The following SCML2 variants were observed in gnomAD, a reference collection of about 807,000 sequenced individuals.
The protein encoded by SCML2 is Scm polycomb group protein like 2, also known as sex comb on midleg-like protein 2.
A neutral mutation model predicts 48.4 loss-of-function variants in SCML2; 6 were observed. The ratio of observed to expected loss-of-function variants is 0.12; its 90% CI spans 0.07 to 0.24. The LOEUF (loss-of-function observed/expected upper bound fraction) is 0.24. Among genes scored for constraint, SCML2 ranks in the 10% least tolerant of loss-of-function variants. The probability of loss-of-function intolerance (pLI) is 1.00; values close to 1 mark genes in which losing one functional copy is unlikely to be tolerated. For synonymous variants in SCML2, 181 were observed against 189.5 expected (o/e 0.95, Z 0.37); for missense variants, 377 against 528.2 (o/e 0.71, Z 2.81).
chrX:18,304,316 C>G (rs1384324348), intron 7 of SCML2, among the ~76,000 whole-genome samples: 2 of 112,208 alleles, frequency 1.8e-5, no homozygotes, highest in Admixed American at 9.5e-5. Flanking sequence ...TTAGGCATAT[C>G]TAAGCCCTTG....
rs1471288078 is a variant in SCML2, at chrX:18,240,315, T to C, written c.*936A>G. On this transcript the variant is annotated 3_prime_UTR_variant, in exon 15 of 15. Coordinates refer to ENST00000251900, the MANE Select transcript of SCML2 (RefSeq NM_006089.3). ...ATTTACTTGTGTGTAAACCTACAGG[T>C]ATAAAACAATATATAAATATGGTAA... The C allele has an allele frequency of 2.7e-5, 3 of 112,395 alleles. No homozygotes were observed. Among genetic ancestry groups the C allele is most frequent in the Non-Finnish European group, 5.6e-5 (3 of 53,287 alleles). 9.3% of individuals were successfully genotyped at this position (112,395 alleles called of 1,213,427 possible).
chrX:18,291,207 C>A (rs1320778151), intron 7 of SCML2, among the ~76,000 whole-genome samples: 1 of 111,493 alleles, frequency 9.0e-6, no homozygotes, highest in Non-Finnish European at 1.9e-5. Flanking sequence ...ACACTCTGTA[C>A]GGGTCTCGTG....
At chrX:18,285,348 T>C (rs887144127) in intron 7 of SCML2, among the ~76,000 whole-genome samples, 10 of 108,652 alleles carry the variant, frequency 9.2e-5, no homozygotes, top group African/African-American at 3.0e-4. Context: ...GTGGTACATA[T>C]ACACCATGGA....
intron 1 of SCML2, among the ~76,000 whole-genome samples, chrX:18,339,714 C>G (rs1214840404): frequency 9.0e-6 from 1 of 111,522 alleles, no homozygotes; most frequent in African/African-American, 3.3e-5. Context: ...GAGACCCCAG[C>G]TCTAAAAATA....
intron 1 of SCML2, among the ~76,000 whole-genome samples, chrX:18,342,231 T>G (rs1245866084): frequency 8.9e-6 from 1 of 111,827 alleles, no homozygotes; most frequent in Non-Finnish European, 1.9e-5. Flanking sequence ...TTAAAAAAAG[T>G]TAAAAGCTTC....
In SCML2 at chrX:18,240,735, A is replaced by C. The variant is rs1414723470; in HGVS notation, c.*516T>G. On this transcript the variant is annotated 3_prime_UTR_variant, in exon 15 of 15. Coordinates refer to ENST00000251900, the MANE Select transcript of SCML2 (RefSeq NM_006089.3). The stretch of plus-strand genomic sequence containing the variant: ...GATATACTGATAGAACATGAACAGA[A>C]CACCACAGAGTATCACACAAAATAT... 4.4e-5 allele frequency: 5 copies of C among 112,653 alleles called. No homozygotes were observed. Among genetic ancestry groups the C allele is most frequent in the Admixed American group, 1.9e-4 (2 of 10,582 alleles). The allele number at this position is 112,653 out of a possible 1,213,427, so 9.3% of individuals were successfully genotyped here. A position where few individuals can be genotyped will look rare whatever the true frequency, so the allele number is the denominator to read the frequency against.
chrX:18,303,967 C>T (rs1229250183), intron 7 of SCML2, among the ~76,000 whole-genome samples: 1 of 112,472 alleles, frequency 8.9e-6, no homozygotes, highest in Admixed American at 9.4e-5. Flanking sequence ...CTTTTTTTCT[C>T]ATAAAAATAA....
intron 11 of SCML2, among the ~76,000 whole-genome samples, chrX:18,254,588 G>A (rs184960754): frequency 8.9e-6 from 1 of 112,219 alleles, no homozygotes; most frequent in East Asian, 2.8e-4. Flanking sequence ...CAAAGAATGA[G>A]GCTTTGTAAA....
At position 18,304,960 on chromosome X, in the gene SCML2, T is replaced by C. The variant is rs771178830; in HGVS notation, c.730+12A>G. 8.4e-7 allele frequency: 1 copy of C among 1,197,516 alleles called. No homozygotes were observed. The highest frequency in any genetic ancestry group is 1.8e-5 in the African/African-American group (1 of 57,034). On this transcript the variant is annotated intron_variant, in intron 7 of 14. Transcript: ENST00000251900. The stretch of plus-strand genomic sequence containing the variant: ...ATAAAGTAGAAGAAAAAGTAGTTAA[T>C]TATTATCTTACCACTAGTTCCTGGG...
intron 6 of SCML2, among the ~76,000 whole-genome samples, chrX:18,320,101 A>G (rs1929267616): frequency 8.9e-6 from 1 of 112,544 alleles, no homozygotes; most frequent in African/African-American, 3.2e-5. Context: ...CACATATCTG[A>G]GGGCACTTTG....
intron 11 of SCML2, among the ~76,000 whole-genome samples, chrX:18,253,265 G>A (rs937448237): frequency 2.7e-5 from 3 of 111,540 alleles, no homozygotes; most frequent in Non-Finnish European, 5.6e-5. Flanking sequence ...CTCAATCACT[G>A]AATGGAATGA....
intron 11 of SCML2, among the ~76,000 whole-genome samples, chrX:18,250,388 T>C (rs1292868967): frequency 9.2e-6 from 1 of 108,286 alleles, no homozygotes; most frequent in Non-Finnish European, 1.9e-5. Flanking sequence ...AATTTTTTTT[T>C]TTCTTTTTTT....
chrX:18,354,306 G>A (rs1930469427), intron 1 of SCML2, among the ~76,000 whole-genome samples: 1 of 112,997 alleles, frequency 8.8e-6, no homozygotes, highest in South Asian at 3.6e-4. Flanking sequence ...GAGGGGACGG[G>A]TGGAAGCTAT....
rs1252999183 is a variant in SCML2, at chrX:18,328,013, A to G, written c.91+2574T>C. Among the ~76,000 whole-genome samples, 3 of 111,810 alleles carry G rather than the reference A, an allele frequency of 2.7e-5. No individual in the cohort carries two copies. In the East Asian group the frequency reaches 8.4e-4, roughly 31 times the overall value. On this transcript the variant is annotated intron_variant, in intron 3 of 14. Coordinates refer to ENST00000251900, the MANE Select transcript of SCML2 (RefSeq NM_006089.3). ...AGACTGGGGATGGGGGCAGTATTCT[A>G]TCTCAGAAGAGAGGCCTGGGAACTG...
intron 7 of SCML2, among the ~76,000 whole-genome samples, chrX:18,295,333 G>A (rs779794269): frequency 2.7e-5 from 3 of 110,696 alleles, no homozygotes; most frequent in Admixed American, 9.6e-5. Flanking sequence ...ATACCTCCCG[G>A]GAGCTTGGAG....
Position 18,337,355 on chromosome X carries a change from CAA to C in SCML2, c.-24-3262_-24-3261del, listed in dbSNP as rs747064959. Among the ~76,000 whole-genome samples, 14 of 27,756 alleles carry C rather than the reference CAA, an allele frequency of 5.0e-4. No homozygotes were observed. In the East Asian group the frequency reaches 9.2e-3, roughly 18 times the overall value. The allele number at this position is 27,756 out of a possible 115,157, so 24.1% of individuals were successfully genotyped here. A position where few individuals can be genotyped will look rare whatever the true frequency, so the allele number is the denominator to read the frequency against. On this transcript the variant is annotated intron_variant, in intron 1 of 14. Transcript: ENST00000251900. ...AAAACAACCAATTGTATGTTGGCTA[CAA>C]AAAAAAAAAAAAAAACTTTAAATAT...
At chrX:18,257,439 A>G (rs1413232315) in intron 10 of SCML2, among the ~76,000 whole-genome samples, 2 of 111,940 alleles carry the variant, frequency 1.8e-5, no homozygotes, top group African/African-American at 6.5e-5. Context: ...GCCTATAGTG[A>G]GCTTAACACA....
chrX:18,310,042 C>T (rs1928897293), intron 6 of SCML2, among the ~76,000 whole-genome samples: 1 of 111,488 alleles, frequency 9.0e-6, no homozygotes, highest in African/African-American at 3.3e-5. Flanking sequence ...CCTGTCAATG[C>T]AGCAACATGG....
chrX:18,248,248 T>A (rs754216013), intron 11 of SCML2, among the ~76,000 whole-genome samples: 60 of 111,434 alleles, frequency 5.4e-4, no homozygotes, highest in Non-Finnish European at 1.1e-3. Context: ...TCAGAGAAAT[T>A]AAATGATATA....
Sources: gnomAD v4.1 joint callset for allele counts (sites outside exome capture counted in the v4.1 genomes callset) on GRCh38, gnomAD v4.1.1 for gene constraint, MANE v1.5 for transcripts, NCBI Gene and HGNC (gene_info 2026-07-23, HGNC 2026-07-21) for gene names.